CUL2: variants seen among roughly 807,000 people sequenced by gnomAD.
CUL2 encodes the protein cullin-2.
CUL2 carries 22 observed loss-of-function variants against 110.2 expected under a neutral mutation model. The ratio of observed to expected loss-of-function variants is 0.20; its 90% CI spans 0.14 to 0.28. CUL2 has a LOEUF of 0.28. Among genes scored for constraint, CUL2 ranks in the 10% least tolerant of loss-of-function variants. CUL2 has a pLI of 1.00. For missense variants in CUL2, 631 were observed against 905.5 expected, an observed-to-expected ratio of 0.70 and a Z score of 3.89; for synonymous variants, 279 against 293.2, an observed-to-expected ratio of 0.95 and a Z score of 0.49.
At chr10:35,070,449 T>C (rs1023998722) in intron 2 of CUL2, among the ~76,000 whole-genome samples, 2 of 152,188 alleles carry the variant, frequency 1.3e-5, no homozygotes, top group African/African-American at 2.4e-5. Context: ...CTAAAGAATG[T>C]ACGCCCCATA....
chr10:35,102,534 T>C (rs925904811), intron 1 of CUL2, among the ~76,000 whole-genome samples: 15 of 152,004 alleles, frequency 9.9e-5, no homozygotes, highest in African/African-American at 3.1e-4. Flanking sequence ...ACTGTTCCAC[T>C]GCACTCCAGC....
At chr10:35,048,274 C>G (rs1282216589) in intron 6 of CUL2, among the ~76,000 whole-genome samples, 1 of 152,104 alleles carries the variant, frequency 6.6e-6, no homozygotes, top group African/African-American at 2.4e-5. Flanking sequence ...TGAAACAATG[C>G]TTTAATGGAA....
chr10:35,071,465 C>T (rs769721254), intron 1 of CUL2, 126 bp from the exon 2 acceptor site: 205 of 747,184 alleles, frequency 2.7e-4, no homozygotes, highest in Non-Finnish European at 3.7e-4. Flanking sequence ...AGTGCAATGG[C>T]GTGATCTTGG....
chr10:35,055,126 T>C (rs1006828055), intron 4 of CUL2, among the ~76,000 whole-genome samples: 6 of 152,216 alleles, frequency 3.9e-5, no homozygotes, highest in African/African-American at 1.4e-4. Flanking sequence ...CTGAGATGAA[T>C]ACAGAAATCT....
At chr10:35,050,585 C>A (rs1474481941) in intron 5 of CUL2, among the ~76,000 whole-genome samples, 1 of 152,122 alleles carries the variant, frequency 6.6e-6, no homozygotes, top group Non-Finnish European at 1.5e-5. Context: ...CCCAGATATC[C>A]TCCTCCTTTC....
chr10:35,079,978 G>A (rs1371922503), intron 1 of CUL2, among the ~76,000 whole-genome samples: 1 of 152,182 alleles, frequency 6.6e-6, no homozygotes. Flanking sequence ...CGTCTGAGCA[G>A]GACAGTGCAA....
intron 6 of CUL2, among the ~76,000 whole-genome samples, chr10:35,045,496 T>C (rs1235123539): frequency 6.6e-6 from 1 of 150,458 alleles, no homozygotes; most frequent in Admixed American, 6.6e-5. Flanking sequence ...GGATGATCCC[T>C]TGAGTCCTGA....
At position 35,049,749 on chromosome 10, in the gene CUL2, C is replaced by T; in HGVS notation, c.440G>A (p.Trp147Ter). 6.2e-7 allele frequency: 1 copy of T among 1,612,694 alleles called. No homozygotes were observed. Among genetic ancestry groups the T allele is most frequent in the Non-Finnish European group, 8.5e-7 (1 of 1,179,294 alleles). The stretch of plus-strand genomic sequence containing the variant: ...AAGTGGTTCAACCATCAATTTCCTC[C>T]ACATATCCAATGCTAGCTGCCGGGA... ...MEIGELALDM[W>*]RKLMVEPLQA... Residue 147 changes from tryptophan (W) to a stop codon, truncating the protein, a stop_gained, in exon 6 of 21, where the codon TGG becomes TAG. Transcript: ENST00000374749. LOFTEE classifies it high-confidence loss of function.
upstream of CUL2, among the ~76,000 whole-genome samples, chr10:35,093,893 A>AT (rs572693830): frequency 2.6e-3 from 390 of 151,930 alleles, 3 homozygotes; most frequent in African/African-American, 8.9e-3. Context: ...CTCTGATCAA[A>AT]TTTTTTTTAT....
intron 2 of CUL2, among the ~76,000 whole-genome samples, chr10:35,100,686 C>A (rs1485375525): frequency 6.9e-6 from 1 of 145,040 alleles, no homozygotes; most frequent in African/African-American, 2.5e-5. Context: ...CGCTTGAACC[C>A]AGGAGGCAGA....
rs2086316173 is a variant in CUL2, at chr10:35,059,088, G to C, written c.317+1786C>G. Among the ~76,000 whole-genome samples the C allele has an allele frequency of 2.0e-5, 3 of 152,146 alleles. No individual in the cohort carries two copies. The South Asian group carries it at 6.2e-4, about 32-fold the overall frequency. On this transcript the variant is annotated intron_variant, in intron 4 of 20. Transcript: ENST00000374749. ...GTTGCTTCTTATGGATGAGAAAGTG[G>C]TTTCTTGAGACAGAATCTACTCCTA...
At chr10:35,095,304 T>C (rs2087278934), upstream of CUL2, among the ~76,000 whole-genome samples, 1 of 137,810 alleles carries the variant, frequency 7.3e-6, no homozygotes, top group Non-Finnish European at 1.5e-5. Flanking sequence ...AGCCTGACAA[T>C]AGAGCAAGAC....
intron 17 of CUL2, among the ~76,000 whole-genome samples, chr10:35,020,008 A>G (rs2085143171): frequency 6.6e-6 from 1 of 152,210 alleles, no homozygotes; most frequent in Non-Finnish European, 1.5e-5. Context: ...CATCTCTAAT[A>G]GTGAGACAAT....
chr10:35,074,782 C>T (rs1158073068), intron 1 of CUL2, among the ~76,000 whole-genome samples: 2 of 152,138 alleles, frequency 1.3e-5, no homozygotes, highest in South Asian at 2.1e-4. Flanking sequence ...CCATTGTGCC[C>T]GGCCTTCATC....
upstream of CUL2, among the ~76,000 whole-genome samples, chr10:35,093,647 C>T (rs2087247388): frequency 9.9e-6 from 1 of 101,428 alleles, no homozygotes. Context: ...GCAATAAAGG[C>T]AGACCTTCTC....
intron 9 of CUL2, among the ~76,000 whole-genome samples, chr10:35,038,334 A>C (rs1588980784): frequency 6.6e-6 from 1 of 151,128 alleles, no homozygotes; most frequent in South Asian, 2.1e-4. Context: ...GACCAGCCTG[A>C]CCAACATGGT....
chr10:35,062,389 G>A (rs1488940226), intron 3 of CUL2, among the ~76,000 whole-genome samples: 2 of 152,078 alleles, frequency 1.3e-5, no homozygotes, highest in Non-Finnish European at 2.9e-5. Flanking sequence ...AATAAAAAAC[G>A]AGGGAAAATT....
At chr10:35,109,711 T>C (rs2087504674) in intron 1 of CUL2, among the ~76,000 whole-genome samples, 1 of 152,132 alleles carries the variant, frequency 6.6e-6, no homozygotes, top group Admixed American at 6.5e-5. Context: ...GTTTGTGAAA[T>C]AAAATGAAAG....
chr10:35,040,129 G>A (rs1025307136), intron 8 of CUL2, among the ~76,000 whole-genome samples: 1 of 152,048 alleles, frequency 6.6e-6, no homozygotes, highest in African/African-American at 2.4e-5. Context: ...CTCTAGCCTA[G>A]GCAATAAGAG....
Sources: allele counts gnomAD v4.1 joint callset (sites outside exome capture counted in the v4.1 genomes callset), GRCh38; gene constraint gnomAD v4.1.1; transcripts MANE v1.5; gene names NCBI Gene and HGNC (gene_info 2026-07-23, HGNC 2026-07-21).